The following LHFPL3 variants were observed in gnomAD, a reference collection of about 807,000 sequenced individuals.
The protein encoded by LHFPL3 is LHFPL tetraspan subfamily member 3 protein.
In LHFPL3, 5 loss-of-function variants were observed where a neutral mutation model predicts 19.3. The observed-to-expected ratio is 0.26, with a 90% CI of 0.14 to 0.54. The LOEUF is 0.54. Ranked by LOEUF, LHFPL3 falls within the 20% of genes least tolerant of loss-of-function variation. The pLI, the probability that LHFPL3 is intolerant of heterozygous loss-of-function variation, is 0.94. For missense variants in LHFPL3, 249 were observed against 307.4 expected (o/e 0.81, Z 1.42); for synonymous variants, 133 against 126.2 (o/e 1.05, Z -0.36).
intron 1 of LHFPL3, among the ~76,000 whole-genome samples, chr7:104,490,380 C>A (rs778382616): frequency 1.6e-4 from 24 of 152,144 alleles, no homozygotes; most frequent in Non-Finnish European, 2.9e-4. Flanking sequence ...CTTCCTAATG[C>A]AGCTAATCAT....
At chr7:104,838,342 C>T (rs1265966209) in intron 2 of LHFPL3, among the ~76,000 whole-genome samples, 3 of 152,174 alleles carry the variant, frequency 2.0e-5, no homozygotes, top group African/African-American at 7.2e-5. Context: ...CTGCTCCTAA[C>T]CCTACATATA....
chr7:104,612,542 C>T (rs1022927332), intron 1 of LHFPL3, among the ~76,000 whole-genome samples: 1 of 152,170 alleles, frequency 6.6e-6, no homozygotes, highest in Admixed American at 6.6e-5. Context: ...GTACCATCAC[C>T]TTTCTAATGG....
chr7:104,654,807 A>T (rs149301752), intron 1 of LHFPL3, among the ~76,000 whole-genome samples: 1 of 152,256 alleles, frequency 6.6e-6, no homozygotes, highest in Admixed American at 6.5e-5. Context: ...TGAACCCCAG[A>T]TTCCTAATCA....
chr7:104,785,848 T>C (rs1179259209), intron 2 of LHFPL3: 1 of 152,234 alleles, frequency 6.6e-6, no homozygotes, highest in Non-Finnish European at 1.5e-5. Flanking sequence ...GGTACCATCA[T>C]AGGCCCCTAT....
At position 104,852,742 on chromosome 7, in the gene LHFPL3, ATG is replaced by A. The variant is rs1440246934; in HGVS notation, c.683-53439_683-53438del. Among the ~76,000 whole-genome samples, 4 of 152,288 alleles carry A rather than the reference ATG, an allele frequency of 2.6e-5. 1 individual carries two copies. Among genetic ancestry groups the A allele is most frequent in the East Asian group, 1.9e-4 (1 of 5,190 alleles). On this transcript the variant is annotated intron_variant, in intron 2 of 2. Transcript: ENST00000424859. Reference sequence around the variant, plus strand: ...ACATTGTTAATAGTCGTATCTTTGAATGTGTGTTTTGTAAGTGAACTCTGATG... The same window carrying A: ...ACATTGTTAATAGTCGTATCTTTGAATGTGTTTTGTAAGTGAACTCTGATG...
intron 1 of LHFPL3, among the ~76,000 whole-genome samples, chr7:104,677,149 GA>G (rs775176759): frequency 3.5e-4 from 54 of 152,222 alleles, no homozygotes; most frequent in Non-Finnish European, 6.5e-4. Context: ...GCCAAGACAG[GA>G]GGATATTTTG....
chr7:104,514,048 T>A (rs1793872605), intron 1 of LHFPL3, among the ~76,000 whole-genome samples: 1 of 152,170 alleles, frequency 6.6e-6, no homozygotes, highest in African/African-American at 2.4e-5. Flanking sequence ...ATGAAATTGA[T>A]TAACATTTTT....
intron 2 of LHFPL3, among the ~76,000 whole-genome samples, chr7:104,811,143 T>C (rs188932698): frequency 0.017 from 263 of 15,924 alleles, 2 homozygotes; most frequent in African/African-American, 0.021. Flanking sequence ...TTCCTTCCTT[T>C]CTTTCTTTTT....
intron 1 of LHFPL3, among the ~76,000 whole-genome samples, chr7:104,345,695 T>G (rs1790051582): frequency 6.6e-6 from 1 of 152,210 alleles, no homozygotes; most frequent in African/African-American, 2.4e-5. Flanking sequence ...CAATATATTT[T>G]TAATATTTAG....
intron 1 of LHFPL3, among the ~76,000 whole-genome samples, chr7:104,659,455 G>C (rs1282066859): frequency 6.6e-6 from 1 of 152,192 alleles, no homozygotes; most frequent in Admixed American, 6.5e-5. Flanking sequence ...GAGAATCCAA[G>C]GCTGCCCCAG....
chr7:104,351,363 C>A (rs2116389811), intron 1 of LHFPL3, among the ~76,000 whole-genome samples: 1 of 152,288 alleles, frequency 6.6e-6, no homozygotes. Context: ...TGATAAAATA[C>A]ACATTTTTTA....
chr7:104,445,821 C>G (rs1327140100), intron 1 of LHFPL3, among the ~76,000 whole-genome samples: 2 of 152,134 alleles, frequency 1.3e-5, no homozygotes, highest in Non-Finnish European at 2.9e-5. Flanking sequence ...CTTTTCACAT[C>G]CCACCTATCT....
At chr7:104,704,095 G>A (rs1793146111) in intron 1 of LHFPL3, among the ~76,000 whole-genome samples, 1 of 152,128 alleles carries the variant, frequency 6.6e-6, no homozygotes, top group South Asian at 2.1e-4. Context: ...AGCTGATTTA[G>A]ACTAATCCTT....
chr7:104,364,974 AAG>A (rs1240216332), intron 1 of LHFPL3, among the ~76,000 whole-genome samples: 1 of 152,162 alleles, frequency 6.6e-6, no homozygotes, highest in Non-Finnish European at 1.5e-5. Context: ...GTGCAGGAGA[AAG>A]AGGATTTCTA....
At chr7:104,496,477 A>G in intron 1 of LHFPL3, among the ~76,000 whole-genome samples, 1 of 151,800 alleles carries the variant, frequency 6.6e-6, no homozygotes, top group Non-Finnish European at 1.5e-5. Flanking sequence ...TCCTTTGGGT[A>G]TATACCCAGT....
chr7:104,358,526 T>G (rs928528165), intron 1 of LHFPL3, among the ~76,000 whole-genome samples: 2 of 152,228 alleles, frequency 1.3e-5, no homozygotes, highest in East Asian at 3.8e-4. Flanking sequence ...GTAAGTTGTT[T>G]TAGCCTGTTG....
At chr7:104,345,803 T>G (rs1361629458) in intron 1 of LHFPL3, among the ~76,000 whole-genome samples, 2 of 152,138 alleles carry the variant, frequency 1.3e-5, no homozygotes, top group Admixed American at 6.5e-5. Context: ...CCTAGATACC[T>G]TCCCATTTAT....
intron 2 of LHFPL3, among the ~76,000 whole-genome samples, chr7:104,881,465 G>A (rs781589839): frequency 3.9e-5 from 6 of 152,150 alleles, no homozygotes; most frequent in Non-Finnish European, 8.8e-5. Flanking sequence ...ATGCAGATGT[G>A]GTGGAAATAG....
At position 104,352,443 on chromosome 7, in the gene LHFPL3, C is replaced by T. The variant is rs550726022; in HGVS notation, c.445+23219C>T. 3.3e-5 allele frequency among the ~76,000 whole-genome samples: 5 copies of T among 152,164 alleles called. No individual in the cohort carries two copies. The South Asian group carries it at 1.0e-3, about 32-fold the overall frequency. ...ATTCTCAGCACTCTAACCACTTTCC[C>T]CGCTTTTTTAAAGCAGGTCTTTAAT... On this transcript the variant is annotated intron_variant, in intron 1 of 2. Transcript: ENST00000424859.
Sources: gnomAD v4.1 joint callset for allele counts (sites outside exome capture counted in the v4.1 genomes callset) on GRCh38, gnomAD v4.1.1 for gene constraint, MANE v1.5 for transcripts, NCBI Gene and HGNC (gene_info 2026-07-23, HGNC 2026-07-21) for gene names.